KIAA1217: variants seen among roughly 807,000 people sequenced by gnomAD.
KIAA1217 encodes the protein sickle tail protein homolog.
A neutral mutation model predicts 163.9 loss-of-function variants in KIAA1217; 88 were observed. The ratio of observed to expected loss-of-function variants is 0.54; its 90% CI spans 0.45 to 0.64. The LOEUF (loss-of-function observed/expected upper bound fraction) is 0.64, where lower values mean the gene tolerates loss of function less well. Ranked by LOEUF, KIAA1217 falls within the 30% of genes least tolerant of loss-of-function variation. The pLI, the probability that KIAA1217 is intolerant of heterozygous loss-of-function variation, is 0.00. For synonymous variants in KIAA1217, 903 were observed against 923.1 expected (o/e 0.98, Z 0.39); for missense variants, 2,372 against 2,475.0 (o/e 0.96, Z 0.88).
At chr10:24,534,011 T>G (rs2073557675) in intron 16 of KIAA1217, among the ~76,000 whole-genome samples, 1 of 152,182 alleles carries the variant, frequency 6.6e-6, no homozygotes, top group Non-Finnish European at 1.5e-5. Flanking sequence ...CTCATGCTTC[T>G]TATAGGATTT....
chr10:24,274,279 A>T (rs1019084203), intron 2 of KIAA1217, among the ~76,000 whole-genome samples: 5 of 152,176 alleles, frequency 3.3e-5, no homozygotes, highest in Non-Finnish European at 5.9e-5. Flanking sequence ...ACTTGAGGTC[A>T]GGAGTTCATG....
At chr10:23,929,640 A>C (rs117742585) in intron 1 of KIAA1217, among the ~76,000 whole-genome samples, 3,167 of 152,152 alleles carry the variant, frequency 0.021, 60 homozygotes, top group Admixed American at 0.064. Flanking sequence ...AAAGGACGTG[A>C]TTTCATTCTT....
intron 1 of KIAA1217, among the ~76,000 whole-genome samples, chr10:23,728,516 T>TTG (rs372532225): frequency 0.014 from 2,143 of 152,092 alleles, 47 homozygotes; most frequent in African/African-American, 0.046. Context: ...GGTTTTTTTT[T>TTG]TTGTTGTAAA....
chr10:24,171,988 T>A (rs2065653340), intron 2 of KIAA1217, among the ~76,000 whole-genome samples: 1 of 152,138 alleles, frequency 6.6e-6, no homozygotes, highest in Non-Finnish European at 1.5e-5. Context: ...GGGCTATTAT[T>A]ATCCCCATTT....
At chr10:24,214,623 G>T (rs374217047) in intron 1 of KIAA1217, among the ~76,000 whole-genome samples, 4 of 152,174 alleles carry the variant, frequency 2.6e-5, no homozygotes, top group African/African-American at 9.7e-5. Context: ...GCAGAAGAGC[G>T]TTCTGGTCGA....
At chr10:24,444,856 TG>T (rs1401374678) in intron 5 of KIAA1217, among the ~76,000 whole-genome samples, 3 of 152,338 alleles carry the variant, frequency 2.0e-5, no homozygotes, top group Non-Finnish European at 4.4e-5. Flanking sequence ...CAGGCATTTG[TG>T]GCGTGTGTTT....
intron 1 of KIAA1217, among the ~76,000 whole-genome samples, chr10:23,780,166 A>G (rs1475380712): frequency 6.6e-6 from 1 of 152,212 alleles, no homozygotes; most frequent in Non-Finnish European, 1.5e-5. Flanking sequence ...TACATATTTA[A>G]GGTAGACAAC....
chr10:24,037,322 A>T (rs980413190), intron 2 of KIAA1217, among the ~76,000 whole-genome samples: 2 of 151,912 alleles, frequency 1.3e-5, no homozygotes, highest in African/African-American at 4.8e-5. Context: ...AAAAAATAAA[A>T]AGAATAAAAA....
chr10:24,065,342 G>A (rs1004244983), intron 2 of KIAA1217, among the ~76,000 whole-genome samples: 30 of 151,958 alleles, frequency 2.0e-4, no homozygotes, highest in Non-Finnish European at 3.7e-4. Context: ...GGTATGTTGT[G>A]TCTTTGTTCT....
At chr10:24,211,160 G>A (rs2068024882) in intron 1 of KIAA1217, among the ~76,000 whole-genome samples, 1 of 152,062 alleles carries the variant, frequency 6.6e-6, no homozygotes, top group Non-Finnish European at 1.5e-5. Context: ...GAGCTTCGCT[G>A]AAGTGATATT....
intron 2 of KIAA1217, among the ~76,000 whole-genome samples, chr10:24,085,740 A>C (rs2061677803): frequency 6.6e-6 from 1 of 152,116 alleles, no homozygotes; most frequent in African/African-American, 2.4e-5. Context: ...TGGGAGGCTG[A>C]GGCAGGCAGA....
rs568738011 is a variant in KIAA1217 at position 24,409,717 on chromosome 10, A to G, written c.554-23278A>G. 1.9e-3 allele frequency among the ~76,000 whole-genome samples: 291 copies of G among 152,114 alleles called. 1 individual carries two copies. Among genetic ancestry groups the G allele is most frequent in the Non-Finnish European group, 3.6e-3 (243 of 67,978 alleles). On this transcript the variant is annotated intron_variant, in intron 3 of 20. Transcript: ENST00000376454. ...CACCTGAGCCATTTCACTGAACCCA[A>G]TTTGCAGTCTTTTATTCCCTCACCC...
At chr10:23,712,062 A>G (rs771582001) in intron 1 of KIAA1217, among the ~76,000 whole-genome samples, 4 of 152,138 alleles carry the variant, frequency 2.6e-5, no homozygotes, top group Non-Finnish European at 2.9e-5. Context: ...GACATTCTCA[A>G]TGGTGGACTC....
chr10:23,907,718 A>G (rs77332786), intron 1 of KIAA1217, among the ~76,000 whole-genome samples: 2,294 of 152,166 alleles, frequency 0.015, 58 homozygotes, highest in African/African-American at 0.052. Flanking sequence ...ACCGACTCAA[A>G]CGTCAATGTC....
intron 2 of KIAA1217, among the ~76,000 whole-genome samples, chr10:24,028,875 A>T (rs943281899): frequency 6.6e-6 from 1 of 152,126 alleles, no homozygotes; most frequent in African/African-American, 2.4e-5. Flanking sequence ...AAAATGTATC[A>T]TTGTGAAATT....
chr10:24,043,216 T>A (rs1201075513), intron 2 of KIAA1217, among the ~76,000 whole-genome samples: 1 of 152,202 alleles, frequency 6.6e-6, no homozygotes, highest in Non-Finnish European at 1.5e-5. Context: ...ATTAAAACAA[T>A]AAGCAGCATT....
intron 2 of KIAA1217, among the ~76,000 whole-genome samples, chr10:24,374,584 G>A (rs953470830): frequency 6.6e-6 from 1 of 152,122 alleles, no homozygotes; most frequent in African/African-American, 2.4e-5. Context: ...CTCCATTTGT[G>A]TTGCAGTTCT....
intron 2 of KIAA1217, among the ~76,000 whole-genome samples, chr10:24,143,332 T>A (rs2064167243): frequency 6.6e-6 from 1 of 152,172 alleles, no homozygotes; most frequent in Non-Finnish European, 1.5e-5. Context: ...AGTGGCACGA[T>A]CTCAACTCAC....
At chr10:24,078,297 T>C (rs2061430887) in intron 2 of KIAA1217, among the ~76,000 whole-genome samples, 1 of 152,178 alleles carries the variant, frequency 6.6e-6, no homozygotes, top group African/African-American at 2.4e-5. Flanking sequence ...TGGCCGCAAG[T>C]GCAGAGGGTA....
Sources: allele counts gnomAD v4.1 joint callset (sites outside exome capture counted in the v4.1 genomes callset), GRCh38; gene constraint gnomAD v4.1.1; transcripts MANE v1.5; gene names NCBI Gene and HGNC (gene_info 2026-07-23, HGNC 2026-07-21).